The following NLGN1 variants were observed in gnomAD, a reference collection of about 807,000 sequenced individuals.
The protein encoded by NLGN1 is neuroligin-1.
In NLGN1, 12 loss-of-function variants were observed where a neutral mutation model predicts 65.5. That is an observed-to-expected ratio of 0.18 (90% CI 0.12 to 0.30). The LOEUF is 0.30. Among genes scored for constraint, NLGN1 ranks in the 10% least tolerant of loss-of-function variants. The pLI, the probability that NLGN1 is intolerant of heterozygous loss-of-function variation, is 1.00. For missense variants in NLGN1, 750 were observed against 1,007.1 expected (o/e 0.74, Z 3.46); for synonymous variants, 350 against 359.5 (o/e 0.97, Z 0.30).
At chr3:173,663,342 C>G (rs1761219364) in intron 3 of NLGN1, among the ~76,000 whole-genome samples, 1 of 151,864 alleles carries the variant, frequency 6.6e-6, no homozygotes, top group Non-Finnish European at 1.5e-5. Context: ...AAAAAAATTC[C>G]ATGAATCAAA....
chr3:173,657,012 G>A (rs760395880), intron 3 of NLGN1, among the ~76,000 whole-genome samples: 4 of 151,984 alleles, frequency 2.6e-5, no homozygotes, highest in Non-Finnish European at 4.4e-5. Flanking sequence ...GACAATAAAT[G>A]TAAAAATGCT....
chr3:173,841,147 T>TTATATATA (rs34913436), intron 4 of NLGN1, among the ~76,000 whole-genome samples: 8 of 149,906 alleles, frequency 5.3e-5, no homozygotes, highest in African/African-American at 1.2e-4. Context: ...ATATCTATAG[T>TTATATATA]TATATATATA....
At chr3:174,292,735 T>C in the NLGN1 span, among the ~76,000 whole-genome samples, 1 of 151,476 alleles carries the variant, frequency 6.6e-6, no homozygotes, top group African/African-American at 2.4e-5. Context: ...TGTCACTTGT[T>C]TTATTGCTCC....
chr3:174,226,328 CTTTTGACCATCCA>C (rs1739693107), intron 4 of NLGN1, among the ~76,000 whole-genome samples: 1 of 152,086 alleles, frequency 6.6e-6, no homozygotes, highest in Non-Finnish European at 1.5e-5. Context: ...TCTAGGTTTG[CTTTTGACCATCCA>C]TTTCTTATAC....
intron 4 of NLGN1, among the ~76,000 whole-genome samples, chr3:174,203,118 T>C (rs1011994838): frequency 6.6e-6 from 1 of 152,200 alleles, no homozygotes; most frequent in Admixed American, 6.5e-5. Context: ...AGCTCTCTCC[T>C]CCTATGATTA....
intron 4 of NLGN1, among the ~76,000 whole-genome samples, chr3:174,070,486 C>T (rs370703249): frequency 7.9e-5 from 12 of 151,878 alleles, no homozygotes; most frequent in African/African-American, 2.2e-4. Context: ...TGCCAGCCAC[C>T]GCGCCTGACT....
At chr3:173,444,319 A>G (rs1332424815) in intron 2 of NLGN1, among the ~76,000 whole-genome samples, 1 of 152,212 alleles carries the variant, frequency 6.6e-6, no homozygotes, top group Admixed American at 6.5e-5. Context: ...GACAGCAGGT[A>G]ATGCTGCTCA....
At chr3:174,006,661 C>T (rs1365979906) in intron 4 of NLGN1, among the ~76,000 whole-genome samples, 1 of 152,116 alleles carries the variant, frequency 6.6e-6, no homozygotes, top group African/African-American at 2.4e-5. Context: ...TGTTGAAGCC[C>T]TAACCCCCAG....
intron 4 of NLGN1, among the ~76,000 whole-genome samples, chr3:174,149,249 A>G (rs1317451276): frequency 2.0e-5 from 3 of 152,172 alleles, no homozygotes; most frequent in Non-Finnish European, 4.4e-5. Context: ...TCACACAGTC[A>G]TAACTAGCCA....
intron 4 of NLGN1, among the ~76,000 whole-genome samples, chr3:173,916,302 C>A (rs9856804): frequency 6.6e-6 from 1 of 151,756 alleles, no homozygotes; most frequent in South Asian, 2.1e-4. Flanking sequence ...AGTACAGAGC[C>A]CAAAACACAA....
intron 2 of NLGN1, among the ~76,000 whole-genome samples, chr3:173,439,559 C>T (rs1389903311): frequency 6.7e-6 from 1 of 150,184 alleles, no homozygotes; most frequent in East Asian, 2.0e-4. Context: ...TACAGGAACA[C>T]CTTGGATATA....
At chr3:173,946,406 T>G (rs1273732014) in intron 4 of NLGN1, among the ~76,000 whole-genome samples, 1 of 152,206 alleles carries the variant, frequency 6.6e-6, no homozygotes, top group African/African-American at 2.4e-5. Context: ...TGTATTTTTA[T>G]TTAGCAATAG....
chr3:174,263,803 A>T (rs1241817793), intron 4 of NLGN1, among the ~76,000 whole-genome samples: 1 of 151,460 alleles, frequency 6.6e-6, no homozygotes, highest in Non-Finnish European at 1.5e-5. Flanking sequence ...TTTTGGCTTG[A>T]TTTTGCAGCG....
intron 3 of NLGN1, among the ~76,000 whole-genome samples, chr3:173,741,380 G>C (rs1282930068): frequency 6.6e-6 from 1 of 152,076 alleles, no homozygotes; most frequent in African/African-American, 2.4e-5. Flanking sequence ...TATGTGCCAG[G>C]TAAAAGGGAC....
chr3:173,697,146 C>CCTT (rs1299921891), intron 3 of NLGN1, among the ~76,000 whole-genome samples: 1 of 152,140 alleles, frequency 6.6e-6, no homozygotes, highest in East Asian at 1.9e-4. Flanking sequence ...TTTTATGCTG[C>CCTT]CTTCTACTCA....
chr3:174,236,757 T>G (rs1025529617), intron 4 of NLGN1, among the ~76,000 whole-genome samples: 2 of 152,104 alleles, frequency 1.3e-5, no homozygotes, highest in African/African-American at 4.8e-5. Flanking sequence ...CAGTTACATT[T>G]ATTGTAACTG....
At chr3:173,639,002 C>T (rs1402152315) in intron 3 of NLGN1, among the ~76,000 whole-genome samples, 4 of 152,094 alleles carry the variant, frequency 2.6e-5, no homozygotes, top group Non-Finnish European at 5.9e-5. Context: ...TGTATTATGT[C>T]TGGCCAGTTG....
intron 4 of NLGN1, among the ~76,000 whole-genome samples, chr3:174,196,323 TC>T (rs1733407978): frequency 6.6e-6 from 1 of 152,140 alleles, no homozygotes; most frequent in African/African-American, 2.4e-5. Flanking sequence ...TCTCTTTTTT[TC>T]GCTGCATTGA....
At chr3:173,958,525 C>A (rs919975143) in intron 4 of NLGN1, among the ~76,000 whole-genome samples, 7 of 152,102 alleles carry the variant, frequency 4.6e-5, no homozygotes, top group African/African-American at 1.7e-4. Flanking sequence ...ACAGTGAGGT[C>A]ATCCCATTTT....
Sources: allele counts gnomAD v4.1 joint callset (sites outside exome capture counted in the v4.1 genomes callset), GRCh38; gene constraint gnomAD v4.1.1; transcripts MANE v1.5; gene names NCBI Gene and HGNC (gene_info 2026-07-23, HGNC 2026-07-21).